Variants in SUGCT observed in about 807,000 individuals in gnomAD.
SUGCT encodes succinyl-CoA:glutarate CoA-transferase.
A neutral mutation model predicts 55.0 loss-of-function variants in SUGCT; 41 were observed. The ratio of observed to expected loss-of-function variants is 0.74; its 90% CI spans 0.58 to 0.97. The LOEUF is 0.97. Ranked by LOEUF, SUGCT falls within the 50% of genes least tolerant of loss-of-function variation. The probability of loss-of-function intolerance (pLI) is 0.00; values close to 1 mark genes in which losing one functional copy is unlikely to be tolerated. For missense variants in SUGCT, 568 were observed against 547.8 expected (o/e 1.04, Z -0.37); for synonymous variants, 187 against 200.4 (o/e 0.93, Z 0.56).
chr7:40,920,056 A>G, the SUGCT span, among the ~76,000 whole-genome samples: 3 of 151,742 alleles, frequency 2.0e-5, no homozygotes, highest in Admixed American at 2.0e-4. Context: ...ACCTTCTCGG[A>G]GGTATCTTTC....
intron 11 of SUGCT, among the ~76,000 whole-genome samples, chr7:40,465,986 A>C (rs1367298702): frequency 6.6e-6 from 1 of 152,088 alleles, no homozygotes; most frequent in Non-Finnish European, 1.5e-5. Context: ...GGCTCACGTA[A>C]TCCTCCTGCT....
the SUGCT span, among the ~76,000 whole-genome samples, chr7:41,026,620 G>A: frequency 6.6e-6 from 1 of 152,236 alleles, no homozygotes; most frequent in Admixed American, 6.5e-5. Context: ...AACACAATCT[G>A]ATTGTCTTTA....
chr7:40,166,554 AC>A (rs1784431855), intron 1 of SUGCT, among the ~76,000 whole-genome samples: 1 of 152,074 alleles, frequency 6.6e-6, no homozygotes, highest in Admixed American at 6.5e-5. Context: ...CCAACAAGAA[AC>A]CTTTATACGC....
chr7:40,291,209 T>C (rs1306894845), intron 8 of SUGCT, among the ~76,000 whole-genome samples: 2 of 152,048 alleles, frequency 1.3e-5, no homozygotes, highest in Non-Finnish European at 2.9e-5. Flanking sequence ...TGCACACGTG[T>C]GTTTATTGCG....
intron 9 of SUGCT, among the ~76,000 whole-genome samples, chr7:40,397,887 C>T (rs1785829525): frequency 6.6e-6 from 1 of 152,022 alleles, no homozygotes; most frequent in Non-Finnish European, 1.5e-5. Context: ...CTGAGATAGC[C>T]CTGCACTCAC....
At chr7:40,247,165 T>C (rs745311391) in intron 7 of SUGCT, among the ~76,000 whole-genome samples, 4 of 152,214 alleles carry the variant, frequency 2.6e-5, no homozygotes, top group Non-Finnish European at 5.9e-5. Flanking sequence ...TATTTAGCTT[T>C]AGTAAGCTGC....
the SUGCT span, among the ~76,000 whole-genome samples, chr7:41,038,730 G>C: frequency 6.6e-6 from 1 of 152,078 alleles, no homozygotes; most frequent in Non-Finnish European, 1.5e-5. Context: ...CCCATACCAT[G>C]CCTCATAGTT....
intron 7 of SUGCT, among the ~76,000 whole-genome samples, chr7:40,241,748 C>T (rs1037286285): frequency 1.3e-5 from 2 of 151,734 alleles, no homozygotes; most frequent in Non-Finnish European, 2.9e-5. Flanking sequence ...GCTGAAACCC[C>T]GTCTCTACTA....
At chr7:40,392,727 T>C (rs1785511888) in intron 9 of SUGCT, among the ~76,000 whole-genome samples, 1 of 152,164 alleles carries the variant, frequency 6.6e-6, no homozygotes, top group Non-Finnish European at 1.5e-5. Flanking sequence ...GAGACAAAAC[T>C]GGAGGAAGGG....
At chr7:40,664,610 A>G (rs1442192162) in intron 12 of SUGCT, among the ~76,000 whole-genome samples, 1 of 152,230 alleles carries the variant, frequency 6.6e-6, no homozygotes, top group Non-Finnish European at 1.5e-5. Context: ...ATAACTGGGA[A>G]CAAGCATCTT....
intron 9 of SUGCT, among the ~76,000 whole-genome samples, chr7:40,384,144 A>G (rs890769087): frequency 5.9e-5 from 9 of 152,206 alleles, no homozygotes; most frequent in African/African-American, 2.2e-4. Context: ...TACTATAGAT[A>G]AGGGGTAGCC....
intron 12 of SUGCT, among the ~76,000 whole-genome samples, chr7:40,664,066 A>G (rs1184104438): frequency 6.6e-6 from 1 of 152,184 alleles, no homozygotes; most frequent in Admixed American, 6.5e-5. Context: ...CTACAAGCCA[A>G]GTAGAGAGGC....
At chr7:40,789,389 T>C (rs1408183506) in intron 13 of SUGCT, among the ~76,000 whole-genome samples, 2 of 152,190 alleles carry the variant, frequency 1.3e-5, no homozygotes, top group Non-Finnish European at 2.9e-5. Flanking sequence ...TTTATTTCAC[T>C]TAGTATAATG....
intron 8 of SUGCT, among the ~76,000 whole-genome samples, chr7:40,291,317 A>G (rs2151049990): frequency 6.6e-6 from 1 of 151,696 alleles, no homozygotes. Flanking sequence ...ATGGAATACT[A>G]TGCAGCCATA....
At chr7:40,941,644 C>A in the SUGCT span, among the ~76,000 whole-genome samples, 1 of 152,018 alleles carries the variant, frequency 6.6e-6, no homozygotes, top group African/African-American at 2.4e-5. Flanking sequence ...CCTTGAGGAT[C>A]GGTCTGTGCT....
At chr7:40,825,040 C>T (rs1792245954) in intron 13 of SUGCT, among the ~76,000 whole-genome samples, 1 of 152,260 alleles carries the variant, frequency 6.6e-6, no homozygotes, top group East Asian at 1.9e-4. Flanking sequence ...CTTGCAATGC[C>T]ACCATCTTCA....
chr7:40,598,994 G>A (rs986242146), intron 12 of SUGCT, among the ~76,000 whole-genome samples: 4 of 152,206 alleles, frequency 2.6e-5, no homozygotes, highest in African/African-American at 9.7e-5. Flanking sequence ...CTTAATGGTG[G>A]CTGAAGAGTT....
At chr7:40,692,798 A>G (rs1784756845) in intron 12 of SUGCT, among the ~76,000 whole-genome samples, 1 of 151,600 alleles carries the variant, frequency 6.6e-6, no homozygotes, top group African/African-American at 2.4e-5. Flanking sequence ...GCCAGCTGAA[A>G]TGGGTTCATG....
the SUGCT span, among the ~76,000 whole-genome samples, chr7:40,936,008 C>T: frequency 4.6e-5 from 7 of 152,060 alleles, no homozygotes; most frequent in South Asian, 8.3e-4. Context: ...TGTATTATAC[C>T]GTTTTCATGT....
Sources: gnomAD v4.1 joint callset for allele counts (sites outside exome capture counted in the v4.1 genomes callset) on GRCh38, gnomAD v4.1.1 for gene constraint, MANE v1.5 for transcripts, NCBI Gene and HGNC (gene_info 2026-07-23, HGNC 2026-07-21) for gene names.